The following THSD7B variants were observed in gnomAD, a reference collection of about 807,000 sequenced individuals.
THSD7B encodes thrombospondin type 1 domain containing 7B, also known as thrombospondin type-1 domain-containing protein 7B.
A neutral mutation model predicts 213.6 loss-of-function variants in THSD7B; 138 were observed. That is an observed-to-expected ratio of 0.65 (90% CI 0.56 to 0.74). THSD7B has a LOEUF of 0.74. Among genes scored for constraint, THSD7B ranks in the 30% least tolerant of loss-of-function variants. THSD7B has a pLI of 0.00. For missense variants in THSD7B, 1,931 were observed against 1,991.5 expected, an observed-to-expected ratio of 0.97 and a Z score of 0.58; for synonymous variants, 742 against 687.0, an observed-to-expected ratio of 1.08 and a Z score of -1.25.
chr2:136,771,899 A>G (rs1470354029), intron 1 of THSD7B, among the ~76,000 whole-genome samples: 1 of 152,178 alleles, frequency 6.6e-6, no homozygotes, highest in Non-Finnish European at 1.5e-5. Context: ...ACCAATATCC[A>G]GGTAGGCAAC....
intron 10 of THSD7B, among the ~76,000 whole-genome samples, chr2:137,244,786 T>G (rs1340784095): frequency 6.6e-6 from 1 of 152,150 alleles, no homozygotes; most frequent in Non-Finnish European, 1.5e-5. Context: ...TCAATCCTAT[T>G]TACCCTAATT....
At chr2:137,627,171 T>G (rs1343908158) in intron 20 of THSD7B, among the ~76,000 whole-genome samples, 1 of 152,174 alleles carries the variant, frequency 6.6e-6, no homozygotes, top group Non-Finnish European at 1.5e-5. Flanking sequence ...AACCCTGTCT[T>G]GCAAGAGCTA....
intron 25 of THSD7B, among the ~76,000 whole-genome samples, chr2:137,663,100 CAT>C (rs1558875814): frequency 6.6e-6 from 1 of 150,424 alleles, no homozygotes; most frequent in East Asian, 1.9e-4. Context: ...AGAGGAAAAG[CAT>C]AGTTAATTAA....
At chr2:136,801,387 C>G (rs2104922011) in intron 1 of THSD7B, among the ~76,000 whole-genome samples, 1 of 152,100 alleles carries the variant, frequency 6.6e-6, no homozygotes, top group South Asian at 2.1e-4. Flanking sequence ...AACTTCCATT[C>G]TGTAGACTTG....
chr2:137,558,348 C>A (rs1573707546), intron 15 of THSD7B, among the ~76,000 whole-genome samples: 2 of 152,268 alleles, frequency 1.3e-5, no homozygotes, highest in African/African-American at 4.8e-5. Flanking sequence ...AGCAGCACAT[C>A]AAAAAGCTTA....
chr2:136,924,116 A>ATT lies in THSD7B; in HGVS notation c.139+41803_139+41804dup, dbSNP rs538653712. Among the ~76,000 whole-genome samples, 84 of 151,930 alleles carry ATT rather than the reference A, an allele frequency of 5.5e-4. No individual in the cohort carries two copies. The East Asian group carries it at 0.016, about 28-fold the overall frequency. ...TCTGTTTAGGTTTTATTCATTTTTT[A>ATT]TTTTTATTTTTTGAGATGGAGCCCT... On this transcript the variant is annotated intron_variant, in intron 2 of 27. Coordinates refer to ENST00000409968, the MANE Select transcript of THSD7B (RefSeq NM_001316349.2).
chr2:137,159,607 GA>G (rs1679975398), intron 5 of THSD7B, among the ~76,000 whole-genome samples: 1 of 152,156 alleles, frequency 6.6e-6, no homozygotes, highest in Non-Finnish European at 1.5e-5. Flanking sequence ...GGAAGAGACA[GA>G]AGCTACTAGT....
chr2:136,795,342 G>T (rs947675692), intron 1 of THSD7B, among the ~76,000 whole-genome samples: 2 of 151,810 alleles, frequency 1.3e-5, no homozygotes, highest in African/African-American at 4.8e-5. Context: ...GCTTCCTTAC[G>T]TTGCATCCAC....
At chr2:137,494,364 C>G (rs528094720) in intron 15 of THSD7B, among the ~76,000 whole-genome samples, 1 of 152,006 alleles carries the variant, frequency 6.6e-6, no homozygotes, top group African/African-American at 2.4e-5. Context: ...GGAATTTACT[C>G]CTTTAAAAAA....
At chr2:137,588,471 A>C (rs374069433) in intron 17 of THSD7B, among the ~76,000 whole-genome samples, 1 of 140,310 alleles carries the variant, frequency 7.1e-6, no homozygotes, top group African/African-American at 2.7e-5. Context: ...GAGCTGGAAT[A>C]TTTTTCAGTG....
At chr2:137,284,934 A>T (rs2104824183) in intron 12 of THSD7B, among the ~76,000 whole-genome samples, 1 of 152,212 alleles carries the variant, frequency 6.6e-6, no homozygotes, top group South Asian at 2.1e-4. Context: ...TGCAGAGCTG[A>T]GTTTAATTCC....
chr2:136,954,439 G>A (rs370792654), intron 2 of THSD7B, among the ~76,000 whole-genome samples: 2 of 152,090 alleles, frequency 1.3e-5, no homozygotes, highest in South Asian at 2.1e-4. Context: ...AATTACGGCC[G>A]GGCGCGGTGG....
At chr2:137,623,884 G>T (rs146736381) in intron 20 of THSD7B, among the ~76,000 whole-genome samples, 3,470 of 152,222 alleles carry the variant, frequency 0.023, 143 homozygotes, top group African/African-American at 0.079. Flanking sequence ...AATCAATATC[G>T]TGAAAATGGC....
chr2:137,392,947 G>A (rs997518511), intron 12 of THSD7B, among the ~76,000 whole-genome samples: 5 of 151,604 alleles, frequency 3.3e-5, no homozygotes, highest in African/African-American at 7.3e-5. Context: ...ATGTTTTTAC[G>A]GTGGTAAATA....
chr2:137,655,689 T>G (rs766163598), intron 22 of THSD7B, 29 bp downstream of exon 22: 9 of 1,597,786 alleles, frequency 5.6e-6, no homozygotes, highest in Non-Finnish European at 7.7e-6. Context: ...TGGGAGCGCC[T>G]CCCATGGTGA....
chr2:137,520,986 A>G (rs1680173725), intron 15 of THSD7B, among the ~76,000 whole-genome samples: 1 of 152,174 alleles, frequency 6.6e-6, no homozygotes, highest in Admixed American at 6.6e-5. Context: ...ACAAAAGGAA[A>G]ATATAAGGCT....
intron 2 of THSD7B, among the ~76,000 whole-genome samples, chr2:136,896,824 G>T (rs1683967442): frequency 6.6e-6 from 1 of 151,930 alleles, no homozygotes; most frequent in Non-Finnish European, 1.5e-5. Flanking sequence ...AATTGCCTTG[G>T]CATCTTTGTT....
intron 14 of THSD7B, among the ~76,000 whole-genome samples, chr2:137,444,945 A>G (rs1180123058): frequency 6.6e-6 from 1 of 152,128 alleles, no homozygotes; most frequent in African/African-American, 2.4e-5. Context: ...AAAAATAGGC[A>G]AAACATCCGA....
At chr2:137,305,716 T>G (rs1683725697) in intron 12 of THSD7B, among the ~76,000 whole-genome samples, 1 of 152,148 alleles carries the variant, frequency 6.6e-6, no homozygotes, top group African/African-American at 2.4e-5. Flanking sequence ...TGACCCTCTC[T>G]AAGCTGAAAT....
Sources: gnomAD v4.1 joint callset for allele counts (sites outside exome capture counted in the v4.1 genomes callset) on GRCh38, gnomAD v4.1.1 for gene constraint, MANE v1.5 for transcripts, NCBI Gene and HGNC (gene_info 2026-07-23, HGNC 2026-07-21) for gene names.